The following RUNX3 variants were observed in gnomAD, a reference collection of about 807,000 sequenced individuals.
The protein encoded by RUNX3 is RUNX family transcription factor 3, also known as runt-related transcription factor 3.
In RUNX3, 10 loss-of-function variants were observed where a neutral mutation model predicts 27.7. The observed-to-expected ratio is 0.36, with a 90% CI of 0.22 to 0.61. The LOEUF (loss-of-function observed/expected upper bound fraction) is 0.61, where lower values mean the gene tolerates loss of function less well. Ranked by LOEUF, RUNX3 falls within the 20% of genes least tolerant of loss-of-function variation. The pLI is 0.72. For synonymous variants in RUNX3, 270 were observed against 269.2 expected (o/e 1.00, Z -0.03); for missense variants, 469 against 629.5 (o/e 0.75, Z 2.73).
chr1:24,926,750 C>A (rs1557845198), intron 2 of RUNX3, among the ~76,000 whole-genome samples: 1 of 152,058 alleles, frequency 6.6e-6, no homozygotes, highest in Non-Finnish European at 1.5e-5. Context: ...TAGAGGCGGG[C>A]CTGGTGCTTG....
chr1:24,900,575 G>C lies in RUNX3; in HGVS notation c.*1547C>G, dbSNP rs1349062944. The C allele has an allele frequency of 6.6e-6, 1 of 152,448 alleles. No homozygotes were observed. The highest frequency in any genetic ancestry group is 1.5e-5 in the Non-Finnish European group (1 of 68,082). The allele number at this position is 152,448 out of a possible 1,614,324, so 9.4% of individuals were successfully genotyped here. On this transcript the variant is annotated 3_prime_UTR_variant, in exon 5 of 5. Transcript: ENST00000308873. ...CCCATTTTGCAAAATTCAGGGGCAAGACTTCACCTCGGAACGCAGTGCAGC... is the reference window on the plus strand; with the variant it reads ...CCCATTTTGCAAAATTCAGGGGCAACACTTCACCTCGGAACGCAGTGCAGC...
chr1:24,902,061 A>G lies in RUNX3; in HGVS notation c.*61T>C. 2.1e-6 allele frequency: 3 copies of G among 1,419,382 alleles called. No homozygotes were observed. Among genetic ancestry groups the G allele is most frequent in the Non-Finnish European group, 2.8e-6 (3 of 1,073,646 alleles). The allele number at this position is 1,419,382 out of a possible 1,614,324, so 87.9% of individuals were successfully genotyped here. On this transcript the variant is annotated 3_prime_UTR_variant, in exon 5 of 5. Coordinates refer to ENST00000308873, the MANE Select transcript of RUNX3 (RefSeq NM_004350.3). This position sits in a 1 kb window ranked among gnomAD's most constrained non-coding sequence, Gnocchi z 9.2. ...CCGCCCGGAGCCTCGGAGCCGGCCC[A>G]TCACTGGTCTTGAAGGTTGTTAGGG...
At chr1:24,935,906 A>G (rs533388966) in intron 2 of RUNX3, among the ~76,000 whole-genome samples, 1 of 151,670 alleles carries the variant, frequency 6.6e-6, no homozygotes, top group Admixed American at 6.5e-5. Context: ...GGGCCTCAGA[A>G]TCTGAGAAGT....
chr1:24,919,265 G>T lies in RUNX3; in HGVS notation c.519C>A (p.Thr173=). 1 of 1,601,136 alleles carries T rather than the reference G, an allele frequency of 6.2e-7. No homozygotes were observed. The highest frequency in any genetic ancestry group is 8.5e-7 in the Non-Finnish European group (1 of 1,174,726). The change falls in exon 3 of 5, where the codon ACC becomes ACA. Residue 173 remains threonine (T), a synonymous_variant. Transcript: ENST00000308873. ...GTCTGGGCTCCCGGGGTCCGTCCAC[G>T]GTCACCTTGATGGCTCGGTGGTAGG... is the stretch of plus-strand genomic sequence containing the variant. The part of the protein sequence containing the change: ...VATYHRAIKV[T]VDGPREPRRH...
At chr1:24,959,649 C>T (rs1571370830) in intron 2 of RUNX3, among the ~76,000 whole-genome samples, 1 of 152,130 alleles carries the variant, frequency 6.6e-6, no homozygotes, top group Admixed American at 6.5e-5. Context: ...CCTGGACCTT[C>T]GGAAAGGATA....
intron 2 of RUNX3, among the ~76,000 whole-genome samples, chr1:24,946,734 A>G (rs1012969040): frequency 6.6e-6 from 1 of 151,996 alleles, no homozygotes; most frequent in Non-Finnish European, 1.5e-5. Context: ...CAGTATAGAC[A>G]CTGAGAGGCT....
In RUNX3 at chr1:24,929,571, C is replaced by G. The variant is rs1208131722; in HGVS notation, c.282+16G>C. On this transcript the variant is annotated intron_variant, in intron 1 of 4. Transcript: ENST00000308873. The stretch of plus-strand genomic sequence containing the variant: ...CCCCAGGGCCGGCGCCCTCCCGCCC[C>G]GGGTCCCGCACTCACCTTGAAGGCG... 2 of 1,596,210 alleles carry G rather than the reference C, an allele frequency of 1.3e-6. No individual in the cohort carries two copies. The highest frequency in any genetic ancestry group is 8.5e-7 in the Non-Finnish European group (1 of 1,174,598).
At chr1:24,914,783 G>A (rs1408393614) in intron 3 of RUNX3, among the ~76,000 whole-genome samples, 1 of 152,134 alleles carries the variant, frequency 6.6e-6, no homozygotes. Context: ...GAAACTCTAA[G>A]GCCTTCAAAG....
At position 24,901,991 on chromosome 1, in the gene RUNX3, G is replaced by T. The variant is rs1640562015; in HGVS notation, c.*131C>A. On this transcript the variant is annotated 3_prime_UTR_variant, in exon 5 of 5. Coordinates refer to ENST00000308873, the MANE Select transcript of RUNX3 (RefSeq NM_004350.3). ...TGCAGCCAGAGGCTCCCACCAGCTG[G>T]GACCACCCTGGGACCGAGACCACCC... 1.3e-5 allele frequency: 11 copies of T among 844,880 alleles called. No homozygotes were observed. The South Asian group carries it at 1.8e-4, about 14-fold the overall frequency. The allele number at this position is 844,880 out of a possible 1,614,324, so 52.3% of individuals were successfully genotyped here. A position where few individuals can be genotyped will look rare whatever the true frequency, so the allele number is the denominator to read the frequency against.
At chr1:24,941,457 A>G (rs1345485429) in intron 2 of RUNX3, among the ~76,000 whole-genome samples, 2 of 152,200 alleles carry the variant, frequency 1.3e-5, no homozygotes, top group African/African-American at 2.4e-5. Context: ...CCACTTTTGT[A>G]TTAGGTACAT....
At chr1:24,906,562 G>A (rs750140059) in intron 4 of RUNX3, among the ~76,000 whole-genome samples, 13 of 152,190 alleles carry the variant, frequency 8.5e-5, no homozygotes, top group Admixed American at 2.6e-4. Context: ...GCTACTATGC[G>A]CCAGGCACCT....
intron 2 of RUNX3, among the ~76,000 whole-genome samples, chr1:24,949,258 G>A (rs905410721): frequency 6.6e-6 from 1 of 152,082 alleles, no homozygotes; most frequent in Admixed American, 6.5e-5. Flanking sequence ...CAAAAAGGAG[G>A]TTAAATATCC....
At chr1:24,917,039 G>A (rs922831797) in intron 3 of RUNX3, among the ~76,000 whole-genome samples, 2 of 152,236 alleles carry the variant, frequency 1.3e-5, no homozygotes, top group African/African-American at 4.8e-5. Context: ...TGCTCATCCA[G>A]GGGTCCCAGC....
At chr1:24,935,509 G>C (rs554961830) in intron 2 of RUNX3, among the ~76,000 whole-genome samples, 5 of 152,328 alleles carry the variant, frequency 3.3e-5, no homozygotes, top group Middle Eastern at 3.4e-3. Flanking sequence ...TTGAGGATGG[G>C]AGAGAGAAAG....
At chr1:24,940,074 G>C (rs935994215) in intron 2 of RUNX3, among the ~76,000 whole-genome samples, 5 of 152,338 alleles carry the variant, frequency 3.3e-5, no homozygotes, top group Admixed American at 1.3e-4. Context: ...AGCAGGCTTG[G>C]GGGGTAAGAG....
Position 24,902,675 on chromosome 1 carries a change from C to G in RUNX3, c.704-9G>C. 1 of 1,511,802 alleles carries G rather than the reference C, an allele frequency of 6.6e-7. No individual in the cohort carries two copies. Among genetic ancestry groups the G allele is most frequent in the East Asian group, 2.3e-5 (1 of 43,784 alleles). 93.6% of individuals were successfully genotyped at this position (1,511,802 alleles called of 1,614,324 possible). A position where few individuals can be genotyped will look rare whatever the true frequency, so the allele number is the denominator to read the frequency against. ...GTTCAGTTCCGAGGTGCCTGGAGGACAGCAGGGAAGAGGTCAGTTCCAGCT... is the reference window on the plus strand; with the variant it reads ...GTTCAGTTCCGAGGTGCCTGGAGGAGAGCAGGGAAGAGGTCAGTTCCAGCT... On this transcript the variant is annotated splice_polypyrimidine_tract_variant and intron_variant, in intron 4 of 4. Coordinates refer to ENST00000308873, the MANE Select transcript of RUNX3 (RefSeq NM_004350.3). This position sits in a 1 kb window ranked among gnomAD's most constrained non-coding sequence, Gnocchi z 9.2.
chr1:24,939,578 G>A (rs1355313903), intron 2 of RUNX3, among the ~76,000 whole-genome samples: 1 of 152,240 alleles, frequency 6.6e-6, no homozygotes, highest in African/African-American at 2.4e-5. Flanking sequence ...CATGGAATCA[G>A]GGCTCAGAGC....
upstream of RUNX3, among the ~76,000 whole-genome samples, chr1:24,933,610 C>T (rs1641282232): frequency 6.6e-6 from 1 of 152,204 alleles, no homozygotes; most frequent in Admixed American, 6.5e-5. Context: ...TGACCTACCT[C>T]CACGTGGAGT....
At chr1:24,903,321 T>C (rs1640603691) in intron 4 of RUNX3, among the ~76,000 whole-genome samples, 1 of 152,280 alleles carries the variant, frequency 6.6e-6, no homozygotes, top group East Asian at 1.9e-4. Context: ...TCACAGGAGC[T>C]CTGGCCTCCA....
Sources: allele counts gnomAD v4.1 joint callset (sites outside exome capture counted in the v4.1 genomes callset), GRCh38; gene constraint gnomAD v4.1.1; non-coding constraint Gnocchi (gnomAD v3.1); transcripts MANE v1.5; gene names NCBI Gene and HGNC (gene_info 2026-07-23, HGNC 2026-07-21).